The following ANO2 variants were observed in gnomAD, a reference collection of about 807,000 sequenced individuals.
ANO2 encodes the protein anoctamin-2.
A neutral mutation model predicts 124.2 loss-of-function variants in ANO2; 101 were observed. The observed-to-expected ratio is 0.81, with a 90% CI of 0.69 to 0.96. The LOEUF (loss-of-function observed/expected upper bound fraction) is 0.96. Ranked by LOEUF, ANO2 falls within the 40% of genes least tolerant of loss-of-function variation. The pLI is 0.00. For synonymous variants in ANO2, 486 were observed against 482.5 expected, an observed-to-expected ratio of 1.01 and a Z score of -0.09; for missense variants, 1,293 against 1,274.5, an observed-to-expected ratio of 1.01 and a Z score of -0.22.
intron 20 of ANO2, among the ~76,000 whole-genome samples, chr12:5,594,197 C>T (rs181848668): frequency 1.3e-5 from 2 of 152,314 alleles, no homozygotes; most frequent in East Asian, 3.9e-4. Context: ...ATTGTTGACT[C>T]AATCAATATC....
intron 3 of ANO2, among the ~76,000 whole-genome samples, chr12:5,890,569 G>C (rs1016171208): frequency 1.3e-5 from 2 of 152,186 alleles, no homozygotes; most frequent in African/African-American, 4.8e-5. Context: ...CTTAGAGATT[G>C]AAAAAGATGC....
intron 5 of ANO2, 131 bp downstream of exon 5, chr12:5,832,321 C>T (rs1312940886): frequency 2.0e-6 from 2 of 1,023,584 alleles, no homozygotes; most frequent in Non-Finnish European, 2.9e-6. Flanking sequence ...ACCATGAGAG[C>T]ATGCTTCCTA....
chr12:5,621,063 G>A (rs1416170380), intron 16 of ANO2, among the ~76,000 whole-genome samples: 9 of 152,168 alleles, frequency 5.9e-5, no homozygotes, highest in Non-Finnish European at 1.0e-4. Flanking sequence ...AGGCCCAGTG[G>A]AAGTGTCTGC....
At chr12:5,650,556 G>A (rs563718714) in intron 14 of ANO2, among the ~76,000 whole-genome samples, 3 of 152,332 alleles carry the variant, frequency 2.0e-5, no homozygotes, top group Admixed American at 6.5e-5. Context: ...AGATGACAGT[G>A]AGTAAAGTAG....
chr12:5,796,175 ACT>A (rs1952839572), intron 10 of ANO2, among the ~76,000 whole-genome samples: 1 of 150,866 alleles, frequency 6.6e-6, no homozygotes, highest in African/African-American at 2.4e-5. Flanking sequence ...ATTCATACAC[ACT>A]CATGCACACA....
chr12:5,604,652 G>A (rs1461503327), intron 19 of ANO2, among the ~76,000 whole-genome samples: 2 of 151,990 alleles, frequency 1.3e-5, no homozygotes, highest in Non-Finnish European at 2.9e-5. Flanking sequence ...AGTGTGGGTA[G>A]GTCAAAACAA....
At chr12:5,699,911 C>A (rs930951622) in intron 14 of ANO2, among the ~76,000 whole-genome samples, 3 of 152,134 alleles carry the variant, frequency 2.0e-5, no homozygotes, top group African/African-American at 7.2e-5. Context: ...ATATATGCAC[C>A]CAATACAGGA....
intron 15 of ANO2, among the ~76,000 whole-genome samples, chr12:5,644,369 G>T (rs2136951772): frequency 6.6e-6 from 1 of 152,270 alleles, no homozygotes; most frequent in East Asian, 1.9e-4. Context: ...CTTCTCACAA[G>T]AATGTAACAT....
chr12:5,864,215 G>A (rs1281057576), intron 3 of ANO2, among the ~76,000 whole-genome samples: 4 of 152,188 alleles, frequency 2.6e-5, no homozygotes, highest in Admixed American at 2.6e-4. Context: ...TGAGGATGAA[G>A]ATAAAAGTGA....
In ANO2 at chr12:5,578,468, G is replaced by T. The variant is rs1942553146; in HGVS notation, c.2284C>A (p.Pro762Thr). 6.2e-7 allele frequency: 1 copy of T among 1,613,948 alleles called. No homozygotes were observed. Among genetic ancestry groups the T allele is most frequent in the Non-Finnish European group, 8.5e-7 (1 of 1,179,858 alleles). ...TLFVASFPLA[P>T]VFALLNNVIE... ...ACGTTGTTGAGGAGGGCAAACACAG[G>T]TGCCAGGGGAAAGGAGGCCACGAAG... is the stretch of plus-strand genomic sequence containing the variant. Residue 762 changes from proline to threonine, a missense_variant, in exon 21 of 25, where the codon CCT becomes ACT. By Grantham distance (38) the Pro-to-Thr change is conservative. Coordinates refer to ENST00000682330, the MANE Select transcript of ANO2 (RefSeq NM_001364791.2).
At chr12:5,619,197 A>C (rs1944984704) in intron 16 of ANO2, among the ~76,000 whole-genome samples, 1 of 152,224 alleles carries the variant, frequency 6.6e-6, no homozygotes, top group African/African-American at 2.4e-5. Context: ...TATGGGGACT[A>C]AGCTGCCAGA....
intron 10 of ANO2, among the ~76,000 whole-genome samples, chr12:5,798,629 G>A (rs1156593560): frequency 6.6e-6 from 1 of 152,168 alleles, no homozygotes; most frequent in African/African-American, 2.4e-5. Context: ...GGCTCCAGCG[G>A]CCCATCTTTT....
At chr12:5,854,515 T>C (rs1591701720) in intron 3 of ANO2, among the ~76,000 whole-genome samples, 1 of 152,186 alleles carries the variant, frequency 6.6e-6, no homozygotes, top group East Asian at 1.9e-4. Flanking sequence ...TGGTTGGTTT[T>C]GCACTGCTCA....
intron 1 of ANO2, among the ~76,000 whole-genome samples, chr12:5,940,508 G>A (rs1477762463): frequency 6.6e-6 from 1 of 152,178 alleles, no homozygotes; most frequent in Non-Finnish European, 1.5e-5. Flanking sequence ...GCAGGCAGAG[G>A]AGCTTTTCCT....
At chr12:5,882,177 TTCA>T (rs1938549089) in intron 3 of ANO2, among the ~76,000 whole-genome samples, 1 of 152,178 alleles carries the variant, frequency 6.6e-6, no homozygotes, top group African/African-American at 2.4e-5. Context: ...TTATCTGACC[TTCA>T]TCAACTCAGT....
chr12:5,780,372 C>A (rs949706994), intron 10 of ANO2, among the ~76,000 whole-genome samples: 1 of 152,092 alleles, frequency 6.6e-6, no homozygotes, highest in African/African-American at 2.4e-5. Context: ...TCTTATAAAT[C>A]TGAAATTGTT....
At chr12:5,611,647 G>A (rs948590468) in intron 19 of ANO2, among the ~76,000 whole-genome samples, 2 of 152,168 alleles carry the variant, frequency 1.3e-5, no homozygotes, top group Non-Finnish European at 2.9e-5. Flanking sequence ...TCCAACTGCT[G>A]CAGCTAAGAA....
chr12:5,936,055 T>C (rs1025279076), intron 1 of ANO2, among the ~76,000 whole-genome samples: 1 of 152,252 alleles, frequency 6.6e-6, no homozygotes, highest in Non-Finnish European at 1.5e-5. Flanking sequence ...GAAATGTCTA[T>C]TCAGAGCTTT....
intron 1 of ANO2, among the ~76,000 whole-genome samples, chr12:5,933,089 C>T (rs961226049): frequency 2.6e-5 from 4 of 152,290 alleles, no homozygotes; most frequent in South Asian, 2.1e-4. Flanking sequence ...GGGCCAGCTA[C>T]GTGGTGAGAT....
Sources: allele counts gnomAD v4.1 joint callset (sites outside exome capture counted in the v4.1 genomes callset), GRCh38; gene constraint gnomAD v4.1.1; transcripts MANE v1.5; gene names NCBI Gene and HGNC (gene_info 2026-07-23, HGNC 2026-07-21).